Variants in MGST2 observed in about 807,000 individuals in gnomAD.
MGST2 encodes the protein glutathione peroxidase MGST2.
Under a neutral mutation model 16.6 loss-of-function variants are expected in MGST2, and 9 were observed. The observed-to-expected ratio is 0.54, with a 90% CI of 0.33 to 0.95. The LOEUF is 0.95. MGST2 is among the 40% of genes least tolerant of loss of function. The probability of loss-of-function intolerance (pLI) is 0.03; values close to 1 mark genes in which losing one functional copy is unlikely to be tolerated. For synonymous variants in MGST2, 79 were observed against 68.0 expected (o/e 1.16, Z -0.79); for missense variants, 159 against 175.1 (o/e 0.91, Z 0.52).
At chr4:139,700,232 C>T (rs1204958045) in intron 3 of MGST2, among the ~76,000 whole-genome samples, 3 of 148,500 alleles carry the variant, frequency 2.0e-5, no homozygotes, top group African/African-American at 7.4e-5. Flanking sequence ...CCCGGGTTCA[C>T]GCCATTCTCC....
At chr4:139,704,680 T>A (rs1354743291), downstream of MGST2, among the ~76,000 whole-genome samples, 1 of 152,184 alleles carries the variant, frequency 6.6e-6, no homozygotes, top group African/African-American at 2.4e-5. Flanking sequence ...CCCAGCACTT[T>A]GAGAAGCCGA....
At chr4:139,687,713 C>T (rs991624380) in intron 2 of MGST2, 1 of 152,194 alleles carries the variant, frequency 6.6e-6, no homozygotes, top group African/African-American at 2.4e-5. Context: ...TCCTAAAGGA[C>T]TGTTTCTTGT....
rs1727906935 is a variant in MGST2 at position 139,715,368 on chromosome 4, C to G, written c.*48+11172C>G. 6.6e-6 allele frequency among the ~76,000 whole-genome samples: 1 copy of G among 152,142 alleles called. No homozygotes were observed. Among genetic ancestry groups the G allele is most frequent in the South Asian group, 2.1e-4 (1 of 4,824 alleles). On this transcript the variant is annotated intron_variant, in intron 5 of 5. Transcript: ENST00000616265. The surrounding 1 kb of genome is among the most constrained non-coding windows in gnomAD (Gnocchi z 4.4). ...ACTTACCCAAAGGTAGCTGTTGGGT[C>G]TAGGTTTCTACACTATTGTCCCTTC...
downstream of MGST2, among the ~76,000 whole-genome samples, chr4:139,742,378 A>G (rs988465220): frequency 6.6e-6 from 1 of 151,946 alleles, no homozygotes; most frequent in Non-Finnish European, 1.5e-5. Flanking sequence ...CAAACTCCTG[A>G]CCCCAGGTAA....
At chr4:139,739,729 A>AG (rs1418231259) in intron 5 of MGST2, among the ~76,000 whole-genome samples, 22 of 150,048 alleles carry the variant, frequency 1.5e-4, no homozygotes, top group Admixed American at 4.6e-4. Flanking sequence ...CTAAAAAAAA[A>AG]AAAAGAAAAA....
At chr4:139,749,893 C>CCG in the MGST2 span, among the ~76,000 whole-genome samples, 3,615 of 141,248 alleles carry the variant, frequency 0.026, 169 homozygotes, top group African/African-American at 0.088. Flanking sequence ...GAACCCCCCC[C>CCG]CACCCTATTC....
intron 5 of MGST2, among the ~76,000 whole-genome samples, chr4:139,721,958 A>T (rs1328124145): frequency 6.6e-6 from 1 of 152,192 alleles, no homozygotes; most frequent in Non-Finnish European, 1.5e-5. Flanking sequence ...AGTTGTTTAT[A>T]AAAAAAGTTT....
At chr4:139,734,857 G>A (rs1728870001) in intron 5 of MGST2, among the ~76,000 whole-genome samples, 1 of 152,282 alleles carries the variant, frequency 6.6e-6, no homozygotes, top group African/African-American at 2.4e-5. Context: ...GCGGCGAGCA[G>A]GCTGGGGTGA....
At chr4:139,721,141 C>T (rs984647989) in intron 5 of MGST2, among the ~76,000 whole-genome samples, 4 of 152,226 alleles carry the variant, frequency 2.6e-5, no homozygotes, top group South Asian at 2.1e-4. Flanking sequence ...AAATCGGCAA[C>T]GACTATTTCT....
intron 5 of MGST2, chr4:139,719,097 C>T (rs1003957807): frequency 1.7e-5 from 9 of 524,094 alleles, no homozygotes; most frequent in South Asian, 3.0e-5. Context: ...CTCTCGCAGC[C>T]GGGATCTGCA....
intron 2 of MGST2, chr4:139,678,977 C>T (rs795588): frequency 6.0e-6 from 2 of 331,360 alleles, no homozygotes; most frequent in Admixed American, 4.5e-5. Context: ...AAGTTGGATT[C>T]GTTATGCTAC....
At chr4:139,698,065 C>T (rs1727026708) in intron 3 of MGST2, 3 of 850,644 alleles carry the variant, frequency 3.5e-6, no homozygotes, top group Non-Finnish European at 5.4e-6. Context: ...AATTATCTAA[C>T]GTTCAGAACT....
intron 5 of MGST2, among the ~76,000 whole-genome samples, chr4:139,725,054 C>T (rs950155203): frequency 3.3e-5 from 5 of 152,176 alleles, no homozygotes; most frequent in Non-Finnish European, 7.3e-5. Context: ...CCACCGCACC[C>T]GGCCAAGGGC....
intron 5 of MGST2, among the ~76,000 whole-genome samples, chr4:139,724,001 GCAA>G (rs747452264): frequency 2.6e-5 from 4 of 152,182 alleles, no homozygotes; most frequent in Non-Finnish European, 4.4e-5. Context: ...CTCTGTATCT[GCAA>G]CAACAACTAT....
intron 1 of MGST2, among the ~76,000 whole-genome samples, chr4:139,667,323 G>C (rs1432000799): frequency 2.0e-5 from 3 of 152,168 alleles, no homozygotes; most frequent in Admixed American, 1.3e-4. Flanking sequence ...AAGGCTCACT[G>C]TTGGTAGCAT....
At chr4:139,742,464 C>T (rs1729201881), downstream of MGST2, among the ~76,000 whole-genome samples, 1 of 152,198 alleles carries the variant, frequency 6.6e-6, no homozygotes, top group Admixed American at 6.5e-5. Flanking sequence ...AAACTTTTCA[C>T]TCTTTAATCA....
rs772117002 is a variant in MGST2, at chr4:139,695,265, A to C, written c.227A>C (p.Gln76Pro). ...TGGATGGCTGGGTGGTATTTCAACCAAGGTAATGTTAAAATACAGTCAACT... is the reference window on the plus strand; with the variant it reads ...TGGATGGCTGGGTGGTATTTCAACCCAGGTAATGTTAAAATACAGTCAACT... The part of the protein sequence containing the change: ...TLWMAGWYFN[Q>P]VFATCLGLVY... The change falls in exon 3 of 5, where the codon CAA (glutamine) becomes CCA (proline). Residue 76 changes from glutamine to proline, a missense_variant and splice_region_variant. Coordinates refer to ENST00000265498, the MANE Select transcript of MGST2 (RefSeq NM_002413.5). 1.9e-6 allele frequency: 3 copies of C among 1,605,630 alleles called. No individual in the cohort carries two copies. The highest frequency in any genetic ancestry group is 2.7e-5 in the African/African-American group (2 of 74,756).
chr4:139,668,398 C>T (rs961980783), intron 1 of MGST2, among the ~76,000 whole-genome samples: 3 of 152,166 alleles, frequency 2.0e-5, no homozygotes, highest in African/African-American at 7.2e-5. Flanking sequence ...ACTTTCCCCA[C>T]AAGAGACAAC....
intron 1 of MGST2, among the ~76,000 whole-genome samples, chr4:139,667,564 T>C (rs1197459789): frequency 6.6e-6 from 1 of 152,016 alleles, no homozygotes; most frequent in African/African-American, 2.4e-5. Context: ...GAATGTTTAA[T>C]GACAAGGTGT....
Sources: allele counts gnomAD v4.1 joint callset (sites outside exome capture counted in the v4.1 genomes callset), GRCh38; gene constraint gnomAD v4.1.1; non-coding constraint Gnocchi (gnomAD v3.1); transcripts MANE v1.5; gene names NCBI Gene and HGNC (gene_info 2026-07-23, HGNC 2026-07-21).